The following BAIAP2L2 variants were observed in gnomAD, a reference collection of about 807,000 sequenced individuals.
The protein encoded by BAIAP2L2 is BAR/IMD domain containing adaptor protein 2 like 2.
A neutral mutation model predicts 60.4 loss-of-function variants in BAIAP2L2; 65 were observed. The ratio of observed to expected loss-of-function variants is 1.08; its 90% confidence interval spans 0.88 to 1.32. The LOEUF (loss-of-function observed/expected upper bound fraction) is 1.32. Among genes scored for constraint, BAIAP2L2 ranks in the 40% most tolerant of loss-of-function variants. The pLI is 0.00. For synonymous variants in BAIAP2L2, 344 were observed against 301.7 expected (o/e 1.14, Z -1.45); for missense variants, 836 against 741.2 (o/e 1.13, Z -1.48).
chr22:38,097,000 C>T (rs764337036), intron 7 of BAIAP2L2, 32 bp downstream of exon 7: 1 of 1,588,988 alleles, frequency 6.3e-7, no homozygotes, highest in African/African-American at 1.3e-5. Flanking sequence ...CTCCTAGAAG[C>T]GCCCCGCTTG....
intron 4 of BAIAP2L2, among the ~76,000 whole-genome samples, chr22:38,101,371 TAAAAAA>T (rs529893934): frequency 3.7e-5 from 3 of 80,742 alleles, no homozygotes; most frequent in Non-Finnish European, 6.9e-5. Context: ...TGTCTCTACA[TAAAAAA>T]AAAAAAAAAA....
At chr22:38,108,834 G>T (rs2086724989) in intron 2 of BAIAP2L2, among the ~76,000 whole-genome samples, 1 of 151,984 alleles carries the variant, frequency 6.6e-6, no homozygotes, top group South Asian at 2.1e-4. Context: ...CACTGTCAGG[G>T]GCTGCCCTGG....
At chr22:38,108,054 C>T in intron 3 of BAIAP2L2, 141 bp from the exon 4 acceptor site, 1 of 1,025,148 alleles carries the variant, frequency 9.8e-7, no homozygotes, top group Non-Finnish European at 1.4e-6. Context: ...CCATATGGTT[C>T]TCTGGGAGCC....
At chr22:38,105,119 CTTG>C (rs1034030044) in intron 4 of BAIAP2L2, among the ~76,000 whole-genome samples, 5 of 152,098 alleles carry the variant, frequency 3.3e-5, no homozygotes, top group Non-Finnish European at 5.9e-5. Context: ...CCTGTCCCTC[CTTG>C]GCTCAAGACC....
At chr22:38,086,879 C>T (rs1286116373) in intron 11 of BAIAP2L2, among the ~76,000 whole-genome samples, 3 of 151,790 alleles carry the variant, frequency 2.0e-5, no homozygotes, top group Non-Finnish European at 4.4e-5. Flanking sequence ...GCCTGTAATC[C>T]CAGCTACTCA....
chr22:38,095,788 T>A (rs2086414222), intron 7 of BAIAP2L2, among the ~76,000 whole-genome samples: 1 of 151,974 alleles, frequency 6.6e-6, no homozygotes, highest in Non-Finnish European at 1.5e-5. Context: ...GATATATATG[T>A]GATTATGAAA....
intron 13 of BAIAP2L2, 43 bp downstream of exon 13, chr22:38,085,643 C>G: frequency 6.2e-7 from 1 of 1,600,648 alleles, no homozygotes; most frequent in Non-Finnish European, 8.6e-7. Context: ...GCCGCCGCAC[C>G]TGCCACCCTC....
chr22:38,106,831 C>G (rs1185415955), intron 4 of BAIAP2L2, among the ~76,000 whole-genome samples: 1 of 152,204 alleles, frequency 6.6e-6, no homozygotes, highest in East Asian at 1.9e-4. Context: ...GCCAAGCTGA[C>G]TCCCTCAGCT....
chr22:38,110,819 G>C, upstream of BAIAP2L2: 1 of 445,910 alleles, frequency 2.2e-6, no homozygotes. Flanking sequence ...GCTGTGGGCT[G>C]ATACAAGTGC....
chr22:38,097,267 T>C (rs755318299), intron 6 of BAIAP2L2, 89 bp from the exon 7 acceptor site: 33 of 1,474,152 alleles, frequency 2.2e-5, no homozygotes, highest in Non-Finnish European at 3.0e-5. Context: ...TCAAGCCCCC[T>C]GTTCTTCCTG....
In BAIAP2L2 at chr22:38,089,192, G is replaced by A; in HGVS notation, c.805C>T (p.Arg269Trp). 3.1e-6 allele frequency: 4 copies of A among 1,294,894 alleles called. No individual in the cohort carries two copies. The highest frequency in any genetic ancestry group is 3.1e-5 in the East Asian group (1 of 32,374). 80.2% of individuals were successfully genotyped at this position (1,294,894 alleles called of 1,614,324 possible). A position where few individuals can be genotyped will look rare whatever the true frequency, so the allele number is the denominator to read the frequency against. ...GTGCCGTAGGAGCCGGAGCCGTGCC[G>A]GCTGCGGGGGGAGCTGAACTCTCCC... ...PLGEFSSPRS[R>W]HGSGSYGTEP... The change falls in exon 9 of 14, where the codon CGG (arginine) becomes TGG (tryptophan). Residue 269 changes from arginine (R) to tryptophan (W), a missense_variant. Transcript: ENST00000381669.
chr22:38,087,158 T>TCATGGGTGTCATGGGGGA lies in BAIAP2L2; in HGVS notation c.1224_1225insTCCCCCATGACACCCATG (p.Met408_Thr409insSerProMetThrProMet), dbSNP rs780799342. Reference sequence around the variant, plus strand: ...AGCTCGTTCCCGGGGTTCATGGGTGTCATGGGGGACATGGAGGTCATGGAG... The same window carrying TCATGGGTGTCATGGGGGA: ...AGCTCGTTCCCGGGGTTCATGGGTGTCATGGGTGTCATGGGGGACATGGGGGACATGGAGGTCATGGAG... On this transcript the variant is annotated inframe_insertion, in exon 11 of 14. Transcript: ENST00000381669. The TCATGGGTGTCATGGGGGA allele has an allele frequency of 3.1e-6, 5 of 1,588,802 alleles. No individual in the cohort carries two copies. The highest frequency in any genetic ancestry group is 2.3e-5 in the South Asian group (2 of 87,948).
At chr22:38,098,022 C>CCCCTCCAGG in intron 6 of BAIAP2L2, 41 bp downstream of exon 6, 1 of 790,972 alleles carries the variant, frequency 1.3e-6, no homozygotes, top group Non-Finnish European at 2.2e-6. Flanking sequence ...GGTCTGCCCA[C>CCCCTCCAGG]CCGCCCTTCC....
chr22:38,086,317 G>A lies in BAIAP2L2; in HGVS notation c.1392C>T (p.Pro464=). ...RTPSRVPSRA[P]SPAPPPLPSS... ...TGGGCAAGGGTGGAGGTGCAGGGCT[G>A]GGGGCACGGCTTGGCACCCGGCTTG... Residue 464 remains proline, a synonymous_variant, in exon 12 of 14, where the codon CCC becomes CCT. Transcript: ENST00000381669. 1 of 1,606,478 alleles carries A rather than the reference G, an allele frequency of 6.2e-7. No individual in the cohort carries two copies.
chr22:38,085,446 G>T, intron 13 of BAIAP2L2, 71 bp from the exon 14 acceptor site: 1 of 1,513,014 alleles, frequency 6.6e-7, no homozygotes, highest in Middle Eastern at 1.7e-4. Flanking sequence ...CAGGAAGGCA[G>T]CTGGGCAACT....
chr22:38,098,655 G>A (rs1044394696), intron 4 of BAIAP2L2, among the ~76,000 whole-genome samples, 173 bp from the exon 5 acceptor site: 3 of 152,198 alleles, frequency 2.0e-5, no homozygotes, highest in African/African-American at 7.2e-5. Context: ...GAGGGAGGAC[G>A]AAATGGTTAA....
chr22:38,098,896 C>T (rs1449575079), intron 4 of BAIAP2L2, among the ~76,000 whole-genome samples: 1 of 152,192 alleles, frequency 6.6e-6, no homozygotes, highest in Non-Finnish European at 1.5e-5. Flanking sequence ...CACATTTGTT[C>T]CTTCGTTGTC....
At chr22:38,101,014 T>G (rs2086554764) in intron 4 of BAIAP2L2, among the ~76,000 whole-genome samples, 1 of 152,196 alleles carries the variant, frequency 6.6e-6, no homozygotes, top group African/African-American at 2.4e-5. Context: ...GGAAACGTTC[T>G]AAATAAATCC....
In BAIAP2L2 at chr22:38,098,044, C is replaced by A; in HGVS notation, c.465+19G>T. ...CCACCCGCCCTTCCTGGCCCACCCC[C>A]GCTTCCCGGCCCTCGCACCTTCATC... On this transcript the variant is annotated intron_variant, in intron 6 of 13. Coordinates refer to ENST00000381669, the MANE Select transcript of BAIAP2L2 (RefSeq NM_025045.6). The A allele has an allele frequency of 6.5e-7, 1 of 1,548,168 alleles. No homozygotes were observed.
Sources: gnomAD v4.1 joint callset for allele counts (sites outside exome capture counted in the v4.1 genomes callset) on GRCh38, gnomAD v4.1.1 for gene constraint, MANE v1.5 for transcripts, NCBI Gene and HGNC (gene_info 2026-07-23, HGNC 2026-07-21) for gene names.